Variants in KCNIP4 observed in about 807,000 individuals in gnomAD.
KCNIP4 encodes the protein potassium voltage-gated channel interacting protein 4.
Under a neutral mutation model 34.0 loss-of-function variants are expected in KCNIP4, and 12 were observed. The ratio of observed to expected loss-of-function variants is 0.35; its 90% CI spans 0.23 to 0.57. The LOEUF (loss-of-function observed/expected upper bound fraction) is 0.57. KCNIP4 is among the 20% of genes least tolerant of loss of function. The pLI is 0.83. For synonymous variants in KCNIP4, 124 were observed against 102.2 expected (o/e 1.21, Z -1.29); for missense variants, 238 against 311.7 (o/e 0.76, Z 1.78).
intron 1 of KCNIP4, among the ~76,000 whole-genome samples, chr4:21,474,630 G>A (rs913688675): frequency 3.3e-5 from 5 of 152,110 alleles, no homozygotes; most frequent in African/African-American, 7.2e-5. Context: ...CCCAGGTCAG[G>A]TAAGGAAAAA....
At chr4:21,781,541 A>G (rs1421581607) in intron 1 of KCNIP4, among the ~76,000 whole-genome samples, 1 of 152,152 alleles carries the variant, frequency 6.6e-6, no homozygotes, top group African/African-American at 2.4e-5. Flanking sequence ...AAACTAAGAA[A>G]ATTTGTCACC....
At chr4:21,655,704 C>G (rs984725017) in intron 1 of KCNIP4, among the ~76,000 whole-genome samples, 5 of 152,160 alleles carry the variant, frequency 3.3e-5, no homozygotes, top group African/African-American at 1.2e-4. Context: ...GATCACTATC[C>G]TACAGAAGAT....
intron 1 of KCNIP4, among the ~76,000 whole-genome samples, chr4:21,058,957 T>C (rs1240819700): frequency 1.3e-5 from 2 of 152,080 alleles, no homozygotes; most frequent in African/African-American, 2.4e-5. Context: ...TGGGAGGTAA[T>C]TGAGTCATGA....
intron 1 of KCNIP4, among the ~76,000 whole-genome samples, chr4:21,114,411 G>T (rs765638270): frequency 1.3e-5 from 2 of 151,944 alleles, no homozygotes; most frequent in Non-Finnish European, 2.9e-5. Flanking sequence ...AAAATAGTAC[G>T]ATCTAAAAAT....
chr4:20,970,904 A>C (rs1239916661), intron 1 of KCNIP4, among the ~76,000 whole-genome samples: 1 of 152,204 alleles, frequency 6.6e-6, no homozygotes, highest in Non-Finnish European at 1.5e-5. Context: ...GCGGTGCTTG[A>C]AATTTAGCAA....
At chr4:21,780,981 C>T (rs535498101) in intron 1 of KCNIP4, among the ~76,000 whole-genome samples, 1 of 152,194 alleles carries the variant, frequency 6.6e-6, no homozygotes, top group Admixed American at 6.5e-5. Context: ...GAGAGTGTGT[C>T]TCTTCTAAGA....
intron 1 of KCNIP4, among the ~76,000 whole-genome samples, chr4:20,968,040 G>A (rs971472328): frequency 6.6e-6 from 1 of 152,150 alleles, no homozygotes; most frequent in African/African-American, 2.4e-5. Flanking sequence ...ATCTGACAAA[G>A]GGCTAATATC....
intron 1 of KCNIP4, among the ~76,000 whole-genome samples, chr4:21,785,400 G>A (rs1719835861): frequency 6.6e-6 from 1 of 151,922 alleles, no homozygotes; most frequent in African/African-American, 2.4e-5. Context: ...AGACCAGCCT[G>A]GTCAACATGG....
At chr4:20,963,248 A>T (rs749675080) in intron 1 of KCNIP4, among the ~76,000 whole-genome samples, 10 of 151,700 alleles carry the variant, frequency 6.6e-5, no homozygotes, top group Non-Finnish European at 1.3e-4. Context: ...AATTCCTTGA[A>T]CCCGGGAATC....
At chr4:21,296,414 T>A (rs6816993) in intron 1 of KCNIP4, among the ~76,000 whole-genome samples, 99 of 151,976 alleles carry the variant, frequency 6.5e-4, no homozygotes, top group African/African-American at 2.3e-3. Flanking sequence ...CTCTCTTTTT[T>A]TTTTTGATGG....
At chr4:21,634,398 T>C (rs900395057) in intron 1 of KCNIP4, among the ~76,000 whole-genome samples, 4 of 152,024 alleles carry the variant, frequency 2.6e-5, no homozygotes, top group Non-Finnish European at 5.9e-5. Context: ...ATGTACACTT[T>C]ATACTTTATA....
intron 1 of KCNIP4, among the ~76,000 whole-genome samples, chr4:21,741,640 T>C (rs1716409282): frequency 6.6e-6 from 1 of 152,094 alleles, no homozygotes; most frequent in Admixed American, 6.6e-5. Context: ...ATGAAAACAA[T>C]AAAGCAAAGA....
At chr4:21,071,360 A>G (rs1244503024) in intron 1 of KCNIP4, among the ~76,000 whole-genome samples, 1 of 152,154 alleles carries the variant, frequency 6.6e-6, no homozygotes, top group Non-Finnish European at 1.5e-5. Context: ...TTATTCCTCC[A>G]TTAAGTTGTT....
rs1280095674 is a variant in KCNIP4, at chr4:20,730,192, T to TAAAA, written c.706-64_706-63insTTTT. 46 of 1,528,836 alleles carry TAAAA rather than the reference T, an allele frequency of 3.0e-5. No homozygotes were observed. The African/African-American group carries it at 6.1e-4, about 20-fold the overall frequency. 94.7% of individuals were successfully genotyped at this position (1,528,836 alleles called of 1,614,324 possible). A position where few individuals can be genotyped will look rare whatever the true frequency, so the allele number is the denominator to read the frequency against. Reference sequence around the variant, plus strand: ...ATCTGCAAGGAAAAGTACACTATTTTGCCCCTGAGTATTGCCTCCTCCCAT... The same window carrying TAAAA: ...ATCTGCAAGGAAAAGTACACTATTTTAAAAGCCCCTGAGTATTGCCTCCTCCCAT... On this transcript the variant is annotated intron_variant, in intron 8 of 8. Coordinates refer to ENST00000382152, the MANE Select transcript of KCNIP4 (RefSeq NM_025221.6).
chr4:21,834,486 T>C (rs1223549885), intron 1 of KCNIP4, among the ~76,000 whole-genome samples: 1 of 152,140 alleles, frequency 6.6e-6, no homozygotes, highest in Non-Finnish European at 1.5e-5. Context: ...CTTAAGGAGA[T>C]TTTGGGCTGA....
At chr4:21,233,082 C>A (rs77711009) in intron 1 of KCNIP4, among the ~76,000 whole-genome samples, 4 of 152,116 alleles carry the variant, frequency 2.6e-5, no homozygotes, top group Non-Finnish European at 5.9e-5. Context: ...AGCAGGAAAA[C>A]GGGTCACTTG....
intron 1 of KCNIP4, among the ~76,000 whole-genome samples, chr4:21,811,796 A>C (rs1721671419): frequency 6.6e-6 from 1 of 152,206 alleles, no homozygotes; most frequent in Non-Finnish European, 1.5e-5. Context: ...ACAGAATTTA[A>C]ACTAGGCCCA....
chr4:20,784,780 G>A (rs1711726630), intron 3 of KCNIP4, among the ~76,000 whole-genome samples: 1 of 152,136 alleles, frequency 6.6e-6, no homozygotes, highest in Non-Finnish European at 1.5e-5. Flanking sequence ...AAGCAAAGAT[G>A]CATTCAGTGA....
intron 1 of KCNIP4, among the ~76,000 whole-genome samples, chr4:21,088,615 G>T (rs748627802): frequency 6.6e-6 from 1 of 152,110 alleles, no homozygotes; most frequent in Admixed American, 6.5e-5. Flanking sequence ...CTGTGTTCCA[G>T]CCCAACTAAC....
Sources: gnomAD v4.1 joint callset for allele counts (sites outside exome capture counted in the v4.1 genomes callset) on GRCh38, gnomAD v4.1.1 for gene constraint, MANE v1.5 for transcripts, NCBI Gene and HGNC (gene_info 2026-07-23, HGNC 2026-07-21) for gene names.